The following WDR20 variants were observed in gnomAD, a reference collection of about 807,000 sequenced individuals.
WDR20 encodes WD repeat domain 20.
WDR20 carries 3 observed loss-of-function variants against 38.7 expected under a neutral mutation model. That is an observed-to-expected ratio of 0.08 (90% CI 0.04 to 0.20). WDR20 has a LOEUF of 0.20. Ranked by LOEUF, WDR20 falls within the 10% of genes least tolerant of loss-of-function variation. WDR20 has a pLI of 1.00. For missense variants in WDR20, 559 were observed against 727.7 expected, an observed-to-expected ratio of 0.77 and a Z score of 2.67; for synonymous variants, 298 against 285.6, an observed-to-expected ratio of 1.04 and a Z score of -0.44.
intron 1 of WDR20, among the ~76,000 whole-genome samples, chr14:102,143,293 T>A (rs1378130064): frequency 6.6e-6 from 1 of 152,224 alleles, no homozygotes; most frequent in Non-Finnish European, 1.5e-5. Context: ...TTTATTAAAT[T>A]CTTGAGGTAG....
intron 1 of WDR20, chr14:102,179,037 A>G (rs1409978209): frequency 2.0e-5 from 3 of 152,062 alleles, no homozygotes; most frequent in Admixed American, 6.6e-5. Flanking sequence ...TGTTCTTTCT[A>G]GCACCCCACC....
chr14:102,199,989 C>T (rs1200914476), intron 2 of WDR20, among the ~76,000 whole-genome samples: 1 of 152,220 alleles, frequency 6.6e-6, no homozygotes, highest in African/African-American at 2.4e-5. Context: ...TCACACCTTC[C>T]ATTGGGGGTG....
Position 102,193,983 on chromosome 14 carries a change from G to A in WDR20, c.250-955G>A, listed in dbSNP as rs1346432850. Among the ~76,000 whole-genome samples the A allele has an allele frequency of 9.9e-5, 15 of 152,226 alleles. 1 individual carries two copies. The highest frequency in any genetic ancestry group is 2.2e-4 in the Non-Finnish European group (15 of 68,030). ...ATGAAGAAAAGAATCCTTCTTGAAA[G>A]TGGGGAGGGCACATTGAAAAATCAC... On this transcript the variant is annotated intron_variant, in intron 1 of 2. Coordinates refer to ENST00000342702, the MANE Select transcript of WDR20 (RefSeq NM_144574.4).
chr14:102,185,859 T>G (rs956329550), intron 1 of WDR20, among the ~76,000 whole-genome samples: 8 of 152,286 alleles, frequency 5.3e-5, no homozygotes, highest in Middle Eastern at 3.4e-3. Flanking sequence ...TATATACATT[T>G]GGCTGTAGGT....
At chr14:102,172,860 G>C (rs1447194572) in intron 1 of WDR20, among the ~76,000 whole-genome samples, 1 of 145,050 alleles carries the variant, frequency 6.9e-6, no homozygotes, top group African/African-American at 2.5e-5. Context: ...CAGACGGGGC[G>C]GTTGCCAGGC....
chr14:102,193,705 A>G (rs1307097414), intron 1 of WDR20, among the ~76,000 whole-genome samples: 1 of 152,212 alleles, frequency 6.6e-6, no homozygotes. Flanking sequence ...GTCCAACATT[A>G]GAATACTTGG....
rs117119741 is a variant in WDR20, at chr14:102,207,270, C to T, written c.433-1333C>T. On this transcript the variant is annotated intron_variant, in intron 2 of 2. Transcript: ENST00000342702. This position sits in a 1 kb window ranked among gnomAD's most constrained non-coding sequence, Gnocchi z 5.0. ...CCTGGGGTCCTTTGTTAGCAGCCTA[C>T]TTTCTAGGGTCTAATGTTCATGCAG... Among the ~76,000 whole-genome samples the T allele has an allele frequency of 7.0e-3, 1,066 of 152,360 alleles. 38 individuals are homozygous for T. The East Asian group carries it at 0.11, about 15-fold the overall frequency.
intron 1 of WDR20, among the ~76,000 whole-genome samples, chr14:102,159,189 G>A (rs1349379352): frequency 6.6e-6 from 1 of 151,984 alleles, no homozygotes; most frequent in Non-Finnish European, 1.5e-5. Context: ...CAGTGGTCCT[G>A]CTTCATCCTC....
chr14:102,197,652 C>A, intron 2 of WDR20: 1 of 589,020 alleles, frequency 1.7e-6, no homozygotes, highest in South Asian at 2.1e-5. Context: ...TTATAAAAGC[C>A]TTTTCATGTC....
downstream of WDR20, chr14:102,213,890 A>G (rs912702009): frequency 1.9e-5 from 19 of 985,340 alleles, no homozygotes; most frequent in African/African-American, 3.0e-4. Context: ...GCGCCACATC[A>G]TGCGTGTCTG....
chr14:102,148,259 A>G (rs1373948359), intron 1 of WDR20, among the ~76,000 whole-genome samples: 12 of 152,210 alleles, frequency 7.9e-5, no homozygotes, highest in Non-Finnish European at 4.4e-5. Flanking sequence ...TGACAGCATC[A>G]GTGACAAGTT....
chr14:102,212,114 G>A (rs2062616832), downstream of WDR20, among the ~76,000 whole-genome samples: 1 of 152,182 alleles, frequency 6.6e-6, no homozygotes, highest in Admixed American at 6.5e-5. Flanking sequence ...GGCAAGAGGA[G>A]GAGGTTATGT....
chr14:102,200,612 CTTG>C (rs1299812219), intron 2 of WDR20, among the ~76,000 whole-genome samples: 11 of 152,014 alleles, frequency 7.2e-5, no homozygotes, highest in African/African-American at 1.9e-4. Flanking sequence ...TGAATGCAAC[CTTG>C]TTGTCTGTGT....
At chr14:102,145,022 T>C (rs914948002) in intron 1 of WDR20, among the ~76,000 whole-genome samples, 10 of 152,256 alleles carry the variant, frequency 6.6e-5, no homozygotes, top group African/African-American at 2.4e-4. Flanking sequence ...CCTAGCACTT[T>C]TCTGAATTTG....
chr14:102,153,747 G>A (rs986846056), intron 1 of WDR20, among the ~76,000 whole-genome samples: 1 of 152,152 alleles, frequency 6.6e-6, no homozygotes, highest in Non-Finnish European at 1.5e-5. Context: ...TCCTCTACTA[G>A]GAATGCTCAC....
intron 1 of WDR20, among the ~76,000 whole-genome samples, chr14:102,167,176 C>A (rs1850924856): frequency 6.6e-6 from 1 of 152,178 alleles, no homozygotes; most frequent in Non-Finnish European, 1.5e-5. Context: ...TAATTCCTCT[C>A]ACAAACCTTA....
At position 102,202,899 on chromosome 14, in the gene WDR20, C is replaced by T. The variant is rs138703470; in HGVS notation, c.433-5704C>T. Among the ~76,000 whole-genome samples the T allele has an allele frequency of 1.5e-3, 221 of 152,266 alleles. 2 individuals are homozygous for T. Among genetic ancestry groups the T allele is most frequent in the African/African-American group, 5.0e-3 (208 of 41,554 alleles). ...ATTCGCAGCCAATTTCTGTGACATT[C>T]GTGGTTATATTTATTAGCTGCAGAC... On this transcript the variant is annotated intron_variant, in intron 2 of 2. Coordinates refer to ENST00000342702, the MANE Select transcript of WDR20 (RefSeq NM_144574.4).
chr14:102,153,307 CTTT>C (rs57513596), intron 1 of WDR20, among the ~76,000 whole-genome samples: 4 of 128,180 alleles, frequency 3.1e-5, no homozygotes, highest in African/African-American at 5.9e-5. Flanking sequence ...AAACCTCTTT[CTTT>C]TTTTTTTTTT....
intron 1 of WDR20, among the ~76,000 whole-genome samples, chr14:102,152,510 G>A (rs192191367): frequency 1.4e-3 from 217 of 151,692 alleles, no homozygotes; most frequent in Middle Eastern, 6.8e-3. Context: ...CGCCTCCCAG[G>A]TTCAAGCAAC....
Sources: gnomAD v4.1 joint callset for allele counts (sites outside exome capture counted in the v4.1 genomes callset) on GRCh38, gnomAD v4.1.1 for gene constraint, Gnocchi (gnomAD v3.1) non-coding constraint, MANE v1.5 for transcripts, NCBI Gene and HGNC (gene_info 2026-07-23, HGNC 2026-07-21) for gene names.